Variants in FHIT observed in about 807,000 individuals in gnomAD.
The protein encoded by FHIT is bis(5'-adenosyl)-triphosphatase.
FHIT carries 19 observed loss-of-function variants against 17.9 expected under a neutral mutation model. The observed-to-expected ratio is 1.06, with a 90% CI of 0.74 to 1.56. The LOEUF is 1.56. Among genes scored for constraint, FHIT ranks in the 40% most tolerant of loss-of-function variants. The pLI is 0.00. For missense variants in FHIT, 248 were observed against 189.2 expected (o/e 1.31, Z -1.82); for synonymous variants, 81 against 69.7 (o/e 1.16, Z -0.81).
intron 5 of FHIT, among the ~76,000 whole-genome samples, chr3:60,083,531 G>T (rs1469903749): frequency 1.3e-5 from 2 of 151,922 alleles, no homozygotes; most frequent in Non-Finnish European, 1.5e-5. Flanking sequence ...CCTGTATATT[G>T]CTTTGGGCAA....
At chr3:61,123,139 G>A (rs973012845) in intron 2 of FHIT, among the ~76,000 whole-genome samples, 2 of 152,080 alleles carry the variant, frequency 1.3e-5, no homozygotes, top group Non-Finnish European at 2.9e-5. Flanking sequence ...AAGAAAATGT[G>A]GCACATATAC....
intron 1 of FHIT, among the ~76,000 whole-genome samples, chr3:61,229,079 C>A (rs1295362220): frequency 2.0e-5 from 3 of 152,102 alleles, no homozygotes; most frequent in Non-Finnish European, 4.4e-5. Context: ...GAATGCCATT[C>A]CCCACCCCTC....
intron 5 of FHIT, among the ~76,000 whole-genome samples, chr3:60,183,304 A>G (rs1043192681): frequency 1.2e-4 from 19 of 152,198 alleles, no homozygotes; most frequent in Admixed American, 1.2e-3. Context: ...AGGCTTAGGC[A>G]GGAGAATCAC....
intron 7 of FHIT, among the ~76,000 whole-genome samples, chr3:59,980,627 T>C (rs1708611146): frequency 6.6e-6 from 1 of 152,164 alleles, no homozygotes; most frequent in African/African-American, 2.4e-5. Context: ...GGAGAAGCCA[T>C]GGCCAGGCCA....
intron 5 of FHIT, among the ~76,000 whole-genome samples, chr3:60,366,368 G>A (rs151253724): frequency 8.5e-4 from 130 of 152,236 alleles, no homozygotes; most frequent in Non-Finnish European, 1.3e-3. Flanking sequence ...CAAGGGATCC[G>A]CCTGCCTTGG....
chr3:60,124,009 T>TAGAGAGAGAGAGAG (rs1168094593), intron 5 of FHIT, among the ~76,000 whole-genome samples: 3 of 12,162 alleles, frequency 2.5e-4, no homozygotes, highest in African/African-American at 3.1e-4. Flanking sequence ...TATATATATA[T>TAGAGAGAGAGAGAG]AGAGAGAGAG....
At chr3:60,648,741 G>C (rs79201821) in intron 4 of FHIT, among the ~76,000 whole-genome samples, 1 of 152,182 alleles carries the variant, frequency 6.6e-6, no homozygotes, top group African/African-American at 2.4e-5. Flanking sequence ...GCTAAAAAAG[G>C]AGCGAGTCAG....
chr3:60,993,080 A>T (rs2030385884), intron 3 of FHIT, among the ~76,000 whole-genome samples: 1 of 152,172 alleles, frequency 6.6e-6, no homozygotes, highest in Non-Finnish European at 1.5e-5. Context: ...TATCATCACA[A>T]CCTGAAATTC....
intron 4 of FHIT, among the ~76,000 whole-genome samples, chr3:60,541,469 C>T (rs1432344895): frequency 1.3e-5 from 2 of 152,106 alleles, no homozygotes; most frequent in Non-Finnish European, 1.5e-5. Flanking sequence ...TTTAGTAACA[C>T]CCCACCATAT....
rs533800154 is a variant in FHIT at position 60,660,378 on chromosome 3, A to G, written c.-17-123399T>C. ...TAAACTGTGTGCAGGCTACTCCTGG[A>G]ATCTGTGCAAGGATGCCTGCGAGTG... On this transcript the variant is annotated intron_variant, in intron 4 of 9. Coordinates refer to ENST00000492590, the MANE Select transcript of FHIT (RefSeq NM_002012.4). Among the ~76,000 whole-genome samples the G allele has an allele frequency of 2.0e-4, 30 of 152,182 alleles. No homozygotes were observed. In the South Asian group the frequency reaches 4.8e-3, roughly 24 times the overall value.
intron 5 of FHIT, among the ~76,000 whole-genome samples, chr3:60,043,588 T>C (rs982872195): frequency 3.3e-5 from 5 of 152,342 alleles, no homozygotes; most frequent in African/African-American, 1.2e-4. Flanking sequence ...TACACAATAG[T>C]GTCTCTTTCA....
At chr3:60,644,928 A>T (rs782334461) in intron 4 of FHIT, among the ~76,000 whole-genome samples, 1 of 152,134 alleles carries the variant, frequency 6.6e-6, no homozygotes, top group Admixed American at 6.5e-5. Flanking sequence ...GTTCTGTTAT[A>T]ATCTAGCTTG....
chr3:60,072,712 G>C (rs752188087), intron 5 of FHIT, among the ~76,000 whole-genome samples: 147 of 152,052 alleles, frequency 9.7e-4, no homozygotes, highest in African/African-American at 2.8e-3. Context: ...TCCCAAGCCT[G>C]TGCTCTTAAC....
chr3:59,837,428 T>C (rs1701377256), intron 8 of FHIT, among the ~76,000 whole-genome samples: 1 of 152,176 alleles, frequency 6.6e-6, no homozygotes, highest in East Asian at 1.9e-4. Flanking sequence ...TAGGGAATAA[T>C]GACAAGGAAA....
At chr3:59,835,327 G>A (rs991193992) in intron 8 of FHIT, among the ~76,000 whole-genome samples, 2 of 152,024 alleles carry the variant, frequency 1.3e-5, no homozygotes, top group African/African-American at 4.8e-5. Flanking sequence ...TTCATCAATG[G>A]AGCTTTCTAC....
In FHIT at chr3:61,179,999, C is replaced by G. The variant is rs114774712; in HGVS notation, c.-164+20618G>C. ...AAAATTGACATAAAACAACCATTCT[C>G]TCCCTTTCAGTTTGCTAACTAGACC... On this transcript the variant is annotated intron_variant, in intron 2 of 9. Coordinates refer to ENST00000492590, the MANE Select transcript of FHIT (RefSeq NM_002012.4). 3.8e-3 allele frequency among the ~76,000 whole-genome samples: 583 copies of G among 152,298 alleles called. 2 individuals carry two copies. Among genetic ancestry groups the G allele is most frequent in the African/African-American group, 0.011 (443 of 41,576 alleles).
chr3:59,968,788 C>A (rs1235943387), intron 7 of FHIT, among the ~76,000 whole-genome samples: 2 of 152,202 alleles, frequency 1.3e-5, no homozygotes, highest in East Asian at 3.8e-4. Flanking sequence ...GCTCTGTGAA[C>A]AAAAGCGCTT....
Position 60,209,049 on chromosome 3 carries a change from G to A in FHIT, c.104-194897C>T, listed in dbSNP as rs146395869. On this transcript the variant is annotated intron_variant, in intron 5 of 9. Transcript: ENST00000492590. The stretch of plus-strand genomic sequence containing the variant: ...ATAAAGAATATTTATCAAATATACC[G>A]GAAGTCCCAGAATAAGGGTACTCTA... Among the ~76,000 whole-genome samples, 640 of 152,126 alleles carry A rather than the reference G, an allele frequency of 4.2e-3. 4 individuals carry two copies. Among genetic ancestry groups the A allele is most frequent in the African/African-American group, 0.015 (604 of 41,504 alleles).
intron 4 of FHIT, among the ~76,000 whole-genome samples, chr3:60,812,664 G>T (rs1701605854): frequency 6.6e-6 from 1 of 152,036 alleles, no homozygotes; most frequent in African/African-American, 2.4e-5. Flanking sequence ...CCAGAATGTA[G>T]CCAGACATAC....
Sources: allele counts gnomAD v4.1 joint callset (sites outside exome capture counted in the v4.1 genomes callset), GRCh38; gene constraint gnomAD v4.1.1; transcripts MANE v1.5; gene names NCBI Gene and HGNC (gene_info 2026-07-23, HGNC 2026-07-21).